CHN2: variants seen among roughly 807,000 people sequenced by gnomAD.
The protein encoded by CHN2 is beta-chimaerin.
A neutral mutation model predicts 56.3 loss-of-function variants in CHN2; 35 were observed. The observed-to-expected ratio is 0.62, with a 90% CI of 0.47 to 0.82. The LOEUF is 0.82. Ranked by LOEUF, CHN2 falls within the 40% of genes least tolerant of loss-of-function variation. The pLI is 0.00. For synonymous variants in CHN2, 210 were observed against 212.8 expected, an observed-to-expected ratio of 0.99 and a Z score of 0.12; for missense variants, 491 against 580.5, an observed-to-expected ratio of 0.85 and a Z score of 1.58.
intron 1 of CHN2, among the ~76,000 whole-genome samples, chr7:29,225,316 T>C (rs1786106364): frequency 6.6e-6 from 1 of 152,174 alleles, no homozygotes; most frequent in African/African-American, 2.4e-5. Flanking sequence ...CCTGGAAAGA[T>C]TTGTTGCTAC....
chr7:29,461,390 T>C (rs915590745), intron 6 of CHN2, among the ~76,000 whole-genome samples: 1 of 152,246 alleles, frequency 6.6e-6, no homozygotes, highest in Admixed American at 6.5e-5. Context: ...TCAGATGAGA[T>C]GGACTGTATT....
intron 7 of CHN2, among the ~76,000 whole-genome samples, chr7:29,480,975 A>T (rs1363391374): frequency 6.6e-6 from 1 of 152,212 alleles, no homozygotes; most frequent in African/African-American, 2.4e-5. Context: ...GGTTAAGTGG[A>T]ATTTCCCAAG....
At chr7:29,197,049 C>T (rs1381329101) in intron 1 of CHN2, among the ~76,000 whole-genome samples, 1 of 152,198 alleles carries the variant, frequency 6.6e-6, no homozygotes, top group Admixed American at 6.5e-5. Flanking sequence ...TTTTAAAGCA[C>T]ACTTACCATT....
chr7:29,377,588 C>G (rs1384806880), intron 3 of CHN2, among the ~76,000 whole-genome samples: 1 of 152,180 alleles, frequency 6.6e-6, no homozygotes, highest in Non-Finnish European at 1.5e-5. Context: ...GCTTAATGAG[C>G]ATTTCTCAAT....
chr7:29,255,720 C>T (rs7796223), intron 1 of CHN2, among the ~76,000 whole-genome samples: 39,751 of 152,014 alleles, frequency 0.26, 5,553 homozygotes, highest in African/African-American at 0.36. Flanking sequence ...TGATTGATGT[C>T]TCCCTTCTCA....
At chr7:29,282,638 G>A (rs963364252) in intron 1 of CHN2, among the ~76,000 whole-genome samples, 4 of 152,096 alleles carry the variant, frequency 2.6e-5, no homozygotes, top group South Asian at 2.1e-4. Flanking sequence ...ATTTTCTGAT[G>A]TATCTGTTCA....
At chr7:29,485,444 G>A (rs1237441100) in intron 7 of CHN2, among the ~76,000 whole-genome samples, 1 of 152,214 alleles carries the variant, frequency 6.6e-6, no homozygotes, top group Non-Finnish European at 1.5e-5. Context: ...AGGAGTAAAA[G>A]ACAAGCTTCT....
At chr7:29,222,921 T>C (rs1785916915) in intron 1 of CHN2, among the ~76,000 whole-genome samples, 1 of 152,186 alleles carries the variant, frequency 6.6e-6, no homozygotes, top group Non-Finnish European at 1.5e-5. Context: ...AGGAATAGAA[T>C]AGAGTTCAGC....
intron 6 of CHN2, among the ~76,000 whole-genome samples, chr7:29,421,445 G>A (rs754145002): frequency 8.6e-5 from 13 of 151,726 alleles, no homozygotes; most frequent in Non-Finnish European, 1.6e-4. Flanking sequence ...GTGCACAGAG[G>A]AATGTGAGGC....
At chr7:29,403,726 CTTTA>C (rs988584505) in intron 6 of CHN2, among the ~76,000 whole-genome samples, 4 of 151,938 alleles carry the variant, frequency 2.6e-5, no homozygotes, top group Non-Finnish European at 4.4e-5. Context: ...CCCACTGATT[CTTTA>C]TTTAGTTGGA....
At chr7:29,163,087 C>A (rs986691028) in intron 2 of CHN2, among the ~76,000 whole-genome samples, 5 of 152,018 alleles carry the variant, frequency 3.3e-5, no homozygotes, top group African/African-American at 1.2e-4. Context: ...TTCATGGGAT[C>A]TGTTTATACT....
At chr7:29,175,568 C>A (rs1204771273) in intron 2 of CHN2, among the ~76,000 whole-genome samples, 1 of 152,144 alleles carries the variant, frequency 6.6e-6, no homozygotes, top group East Asian at 1.9e-4. Flanking sequence ...GCTCTTCCAC[C>A]ATGATTGTGA....
chr7:29,228,934 C>T (rs919287920), intron 1 of CHN2, among the ~76,000 whole-genome samples: 20 of 152,218 alleles, frequency 1.3e-4, no homozygotes, highest in African/African-American at 4.1e-4. Flanking sequence ...CTTTTGCTCC[C>T]GCTCTGCTCC....
chr7:29,317,721 T>G (rs146975600), intron 1 of CHN2, among the ~76,000 whole-genome samples: 3 of 152,174 alleles, frequency 2.0e-5, no homozygotes, highest in Non-Finnish European at 4.4e-5. Flanking sequence ...TCAGGGAACA[T>G]ATAATTGAAG....
intron 1 of CHN2, among the ~76,000 whole-genome samples, chr7:29,254,826 T>C (rs997391198): frequency 6.6e-6 from 1 of 152,194 alleles, no homozygotes; most frequent in African/African-American, 2.4e-5. Flanking sequence ...TTAGACTTGT[T>C]GTGCAAGGGA....
intron 2 of CHN2, among the ~76,000 whole-genome samples, chr7:29,178,851 G>A (rs950958073): frequency 2.0e-5 from 3 of 152,036 alleles, no homozygotes; most frequent in African/African-American, 7.3e-5. Context: ...AATAAAAATG[G>A]GTTTGCCACA....
chr7:29,442,461 A>T (rs1445806566), intron 6 of CHN2, among the ~76,000 whole-genome samples: 2 of 152,082 alleles, frequency 1.3e-5, no homozygotes, highest in African/African-American at 2.4e-5. Flanking sequence ...GATTGGCTCT[A>T]TTTGTTGTTG....
rs1799567840 is a variant in CHN2, at chr7:29,371,037, G to T, written c.144+3050G>T. Among the ~76,000 whole-genome samples the T allele has an allele frequency of 2.0e-5, 3 of 152,170 alleles. No homozygotes were observed. The South Asian group carries it at 6.2e-4, about 32-fold the overall frequency. On this transcript the variant is annotated intron_variant, in intron 3 of 12. Transcript: ENST00000222792. ...TACAGATAAGCATCTACTTTGCAGG[G>T]TTGCTATAAATGGCATATGTGGGTC...
chr7:29,422,283 C>G (rs1401399243), intron 6 of CHN2, among the ~76,000 whole-genome samples: 1 of 152,080 alleles, frequency 6.6e-6, no homozygotes, highest in African/African-American at 2.4e-5. Flanking sequence ...TTTAAGCAGC[C>G]CTTTGAGTGA....
Sources: gnomAD v4.1 joint callset for allele counts (sites outside exome capture counted in the v4.1 genomes callset) on GRCh38, gnomAD v4.1.1 for gene constraint, MANE v1.5 for transcripts, NCBI Gene and HGNC (gene_info 2026-07-23, HGNC 2026-07-21) for gene names.